CHSY3: variants seen among roughly 807,000 people sequenced by gnomAD.
CHSY3 encodes N-acetylgalactosaminyl-proteoglycan 3-beta-glucuronosyltransferase 3.
In CHSY3, 35 loss-of-function variants were observed where a neutral mutation model predicts 67.2. That is an observed-to-expected ratio of 0.52 (90% confidence interval 0.40 to 0.69). CHSY3 has a LOEUF of 0.69. CHSY3 is among the 30% of genes least tolerant of loss of function. The pLI, the probability that CHSY3 is intolerant of heterozygous loss-of-function variation, is 0.00. For synonymous variants in CHSY3, 474 were observed against 434.7 expected (o/e 1.09, Z -1.12); for missense variants, 1,069 against 1,138.5 (o/e 0.94, Z 0.88).
chr5:130,124,928 C>T (rs1274967885), intron 2 of CHSY3, among the ~76,000 whole-genome samples: 1 of 152,148 alleles, frequency 6.6e-6, no homozygotes, highest in African/African-American at 2.4e-5. Flanking sequence ...CTTAAGGCAC[C>T]TCTCATATTT....
At chr5:130,165,094 TTC>T (rs1262474583) in intron 2 of CHSY3, among the ~76,000 whole-genome samples, 5 of 152,180 alleles carry the variant, frequency 3.3e-5, no homozygotes, top group Admixed American at 6.6e-5. Flanking sequence ...CAGTCATCTA[TTC>T]CATGGTCAGT....
chr5:130,088,059 T>C (rs1414338785), intron 2 of CHSY3, among the ~76,000 whole-genome samples: 3 of 151,964 alleles, frequency 2.0e-5, no homozygotes, highest in Admixed American at 2.0e-4. Flanking sequence ...TCAGAAATAA[T>C]GCCGCATATA....
chr5:130,171,704 A>C (rs761588921), intron 2 of CHSY3, among the ~76,000 whole-genome samples: 2 of 152,230 alleles, frequency 1.3e-5, no homozygotes, highest in Non-Finnish European at 2.9e-5. Flanking sequence ...AAAAAAATGA[A>C]ACAGGAAAAA....
chr5:130,043,372 T>C (rs1344520297), intron 2 of CHSY3, among the ~76,000 whole-genome samples: 7 of 152,120 alleles, frequency 4.6e-5, no homozygotes, highest in African/African-American at 1.4e-4. Context: ...ATTCATCAGA[T>C]ATTTCCCTGA....
intron 2 of CHSY3, among the ~76,000 whole-genome samples, chr5:130,094,652 A>G (rs1766987678): frequency 6.6e-6 from 1 of 151,934 alleles, no homozygotes; most frequent in African/African-American, 2.4e-5. Context: ...AAAACTGTAC[A>G]ACAAAAAAGT....
Position 130,122,524 on chromosome 5 carries a change from A to G in CHSY3, c.1087-61705A>G, listed in dbSNP as rs528451967. Among the ~76,000 whole-genome samples the G allele has an allele frequency of 9.2e-5, 14 of 152,314 alleles. 1 individual carries two copies. The East Asian group carries it at 2.3e-3, about 25-fold the overall frequency. On this transcript the variant is annotated intron_variant, in intron 2 of 2. Transcript: ENST00000305031. ...CTGTGGCAAGTAGCACAAAGGCGGC[A>G]CTCAGCTTTCTAACAACACCGTCTT...
chr5:130,137,226 C>T (rs183400810), intron 2 of CHSY3, among the ~76,000 whole-genome samples: 23 of 152,274 alleles, frequency 1.5e-4, no homozygotes, highest in African/African-American at 4.8e-4. Context: ...ATCTTGTATC[C>T]TGTCGTTTTC....
intron 2 of CHSY3, among the ~76,000 whole-genome samples, chr5:130,023,323 A>C (rs1764445477): frequency 6.6e-6 from 1 of 151,930 alleles, no homozygotes; most frequent in South Asian, 2.1e-4. Context: ...TTGAGAATAC[A>C]TTTCTTCTCC....
intron 2 of CHSY3, among the ~76,000 whole-genome samples, chr5:130,118,767 T>A (rs1415505056): frequency 7.2e-5 from 11 of 152,104 alleles, no homozygotes; most frequent in Admixed American, 7.2e-4. Context: ...AAGCACTTTA[T>A]TAAAGTGCTT....
chr5:129,931,935 A>C (rs576540177), intron 2 of CHSY3, among the ~76,000 whole-genome samples: 1 of 152,132 alleles, frequency 6.6e-6, no homozygotes, highest in South Asian at 2.1e-4. Flanking sequence ...GGAAAGGAGA[A>C]GGATCTTGGG....
chr5:129,971,040 C>G (rs573886202), intron 2 of CHSY3, among the ~76,000 whole-genome samples: 6 of 151,774 alleles, frequency 4.0e-5, no homozygotes, highest in Admixed American at 3.9e-4. Flanking sequence ...CCTTGGTGTT[C>G]TATTTAAAAA....
At chr5:130,137,916 A>G (rs1162577941) in intron 2 of CHSY3, among the ~76,000 whole-genome samples, 1 of 152,170 alleles carries the variant, frequency 6.6e-6, no homozygotes, top group Non-Finnish European at 1.5e-5. Flanking sequence ...TCTACCTTCA[A>G]GCCAGCTGGA....
intron 1 of CHSY3, among the ~76,000 whole-genome samples, chr5:129,906,758 G>A (rs1325562106): frequency 6.6e-6 from 1 of 152,196 alleles, no homozygotes; most frequent in Non-Finnish European, 1.5e-5. Context: ...AAGGGGGGCA[G>A]CCCTTCCTTA....
chr5:129,922,094 T>C (rs1409867751), intron 2 of CHSY3, among the ~76,000 whole-genome samples: 1 of 152,242 alleles, frequency 6.6e-6, no homozygotes, highest in Non-Finnish European at 1.5e-5. Context: ...AGTTTGTCTT[T>C]CTGTATCTGG....
Position 129,908,221 on chromosome 5 carries a change from T to A in CHSY3, c.947T>A (p.Ile316Asn). The A allele has an allele frequency of 6.2e-7, 1 of 1,614,162 alleles. No individual in the cohort carries two copies. Among genetic ancestry groups the A allele is most frequent in the South Asian group, 1.1e-5 (1 of 91,082 alleles). Residue 316 changes from isoleucine (I) to asparagine (N), a missense_variant, in exon 2 of 3, where the codon ATC becomes AAC. Physicochemically the swap from Ile to Asn is moderately radical, Grantham distance 149. Coordinates refer to ENST00000305031, the MANE Select transcript of CHSY3 (RefSeq NM_175856.5). Reference protein sequence around the residue: ...ENFCMGGPGMIFSREVLRRMV... With the variant: ...ENFCMGGPGMNFSREVLRRMV... ...TTCTGTATGGGAGGACCTGGCATGA[T>A]CTTTAGCCGAGAAGTTCTCAGGAGG...
chr5:130,082,092 C>A (rs1338408381), intron 2 of CHSY3, among the ~76,000 whole-genome samples: 2 of 151,900 alleles, frequency 1.3e-5, no homozygotes, highest in Non-Finnish European at 2.9e-5. Flanking sequence ...TATGGGAGTA[C>A]AATGAAAAAA....
chr5:130,084,594 A>T (rs192353113), intron 2 of CHSY3, among the ~76,000 whole-genome samples: 1,830 of 149,404 alleles, frequency 0.012, 36 homozygotes, highest in African/African-American at 0.043. Flanking sequence ...TCTTTTAATT[A>T]ATTAATTAAT....
chr5:130,111,922 T>A (rs962696417), intron 2 of CHSY3, among the ~76,000 whole-genome samples: 2 of 152,134 alleles, frequency 1.3e-5, no homozygotes, highest in African/African-American at 2.4e-5. Context: ...TTTTAAGTGG[T>A]TGACTCATTT....
chr5:129,971,008 A>G (rs1762626959), intron 2 of CHSY3, among the ~76,000 whole-genome samples: 1 of 151,896 alleles, frequency 6.6e-6, no homozygotes, highest in African/African-American at 2.4e-5. Context: ...GTATGTGCCT[A>G]TAAATGTATG....
Sources: gnomAD v4.1 joint callset for allele counts (sites outside exome capture counted in the v4.1 genomes callset) on GRCh38, gnomAD v4.1.1 for gene constraint, MANE v1.5 for transcripts, NCBI Gene and HGNC (gene_info 2026-07-23, HGNC 2026-07-21) for gene names.